The following ZNF708 variants were observed in gnomAD, a reference collection of about 807,000 sequenced individuals.
The protein encoded by ZNF708 is ZNF15, ZNF15L1.
ZNF708 carries 44 observed loss-of-function variants against 47.0 expected under a neutral mutation model. The observed-to-expected ratio is 0.94, with a 90% CI of 0.74 to 1.20. ZNF708 has a LOEUF of 1.20. Among genes scored for constraint, ZNF708 ranks in the 50% most tolerant of loss-of-function variants. The pLI is 0.00. For missense variants in ZNF708, 557 were observed against 656.0 expected (o/e 0.85, Z 1.65); for synonymous variants, 184 against 218.5 (o/e 0.84, Z 1.39).
chr19:21,308,706 C>T (rs887908219), intron 3 of ZNF708, among the ~76,000 whole-genome samples: 8 of 152,108 alleles, frequency 5.3e-5, no homozygotes, highest in African/African-American at 1.9e-4. Context: ...CCACTGCCCC[C>T]CCAGCCAAAA....
intron 1 of ZNF708, among the ~76,000 whole-genome samples, chr19:21,312,062 A>T (rs1972909113): frequency 6.6e-6 from 1 of 152,136 alleles, no homozygotes; most frequent in South Asian, 2.1e-4. Context: ...TGGGGGGCCA[A>T]GGGGGGTGGA....
At chr19:21,315,356 T>C (rs1972980895) in intron 1 of ZNF708, among the ~76,000 whole-genome samples, 1 of 152,188 alleles carries the variant, frequency 6.6e-6, no homozygotes, top group African/African-American at 2.4e-5. Context: ...TCTGGCCCTG[T>C]CTTGTAATCC....
At chr19:21,306,983 C>T (rs934661795) in intron 3 of ZNF708, 1 of 147,274 alleles carries the variant, frequency 6.8e-6, no homozygotes, top group Non-Finnish European at 1.5e-5. Flanking sequence ...CATAACATAA[C>T]ATAACATAAC....
At chr19:21,329,077 C>T in intron 1 of ZNF708, 133 bp downstream of exon 1, 1 of 1,385,188 alleles carries the variant, frequency 7.2e-7, no homozygotes, top group Non-Finnish European at 1.0e-6. Context: ...GGACTGAGGC[C>T]GAGCTAGGCA....
chr19:21,322,557 C>T (rs1198081702), intron 1 of ZNF708, among the ~76,000 whole-genome samples: 1 of 152,172 alleles, frequency 6.6e-6, no homozygotes, highest in Non-Finnish European at 1.5e-5. Context: ...CCCGCCTCGG[C>T]CTCCCAAAGT....
chr19:21,309,555 G>A (rs535261263), intron 2 of ZNF708, among the ~76,000 whole-genome samples: 9 of 152,052 alleles, frequency 5.9e-5, no homozygotes, highest in African/African-American at 1.7e-4. Context: ...TGAAAATACA[G>A]AAATTAGCTG....
intron 3 of ZNF708, among the ~76,000 whole-genome samples, chr19:21,301,431 G>A (rs1972657218): frequency 6.6e-6 from 1 of 151,322 alleles, no homozygotes; most frequent in Non-Finnish European, 1.5e-5. Context: ...TGGCCAAGAT[G>A]GTGAAACCCC....
Position 21,293,851 on chromosome 19 carries a change from G to C in ZNF708, c.1115C>G (p.Ala372Gly). 1 of 1,613,152 alleles carries C rather than the reference G, an allele frequency of 6.2e-7. No homozygotes were observed. Among genetic ancestry groups the C allele is most frequent in the Non-Finnish European group, 8.5e-7 (1 of 1,179,740 alleles). Reference protein sequence around the residue: ...KPYKCEECGKAFNRSSHLTNH... With the variant: ...KPYKCEECGKGFNRSSHLTNH... The stretch of plus-strand genomic sequence containing the variant: ...AGTAAGGTGTGAGGACCGGTTAAAA[G>C]CTTTGCCACATTCTTCACATTTGTA... Residue 372 changes from alanine (A) to glycine (G), a missense_variant, in exon 4 of 4, where the codon GCT becomes GGT. By Grantham distance (60) the Ala-to-Gly change is moderately conservative (BLOSUM62 0). Coordinates refer to ENST00000356929, the MANE Select transcript of ZNF708 (RefSeq NM_021269.3).
intron 3 of ZNF708, chr19:21,306,968 CA>C (rs1414428070): frequency 1.4e-5 from 2 of 143,264 alleles, no homozygotes; most frequent in African/African-American, 5.4e-5. Flanking sequence ...CATAACATAA[CA>C]TAACATAACA....
At chr19:21,327,229 T>C (rs1973275431) in intron 1 of ZNF708, among the ~76,000 whole-genome samples, 1 of 151,900 alleles carries the variant, frequency 6.6e-6, no homozygotes, top group African/African-American at 2.4e-5. Flanking sequence ...TAGTGCTAAT[T>C]AGAAAACAGA....
At chr19:21,296,971 A>G (rs1972537481) in intron 3 of ZNF708, among the ~76,000 whole-genome samples, 1 of 151,310 alleles carries the variant, frequency 6.6e-6, no homozygotes, top group Non-Finnish European at 1.5e-5. Context: ...CATCTCAACT[A>G]AATATATAAA....
At chr19:21,321,326 C>T (rs57299552) in intron 1 of ZNF708, among the ~76,000 whole-genome samples, 21,335 of 152,002 alleles carry the variant, frequency 0.14, 1,974 homozygotes, top group Non-Finnish European at 0.21. Flanking sequence ...TTGTGGCTCA[C>T]GCCTGTATGC....
At chr19:21,321,490 G>A (rs1376716108) in intron 1 of ZNF708, among the ~76,000 whole-genome samples, 1 of 151,946 alleles carries the variant, frequency 6.6e-6, no homozygotes, top group Non-Finnish European at 1.5e-5. Flanking sequence ...CAGGAGGCAG[G>A]AGAATCGCTT....
chr19:21,297,141 T>A (rs893557893), intron 3 of ZNF708, among the ~76,000 whole-genome samples: 1 of 146,618 alleles, frequency 6.8e-6, no homozygotes, highest in Non-Finnish European at 1.5e-5. Flanking sequence ...TCAAAAAAAA[T>A]GAATAAATAA....
chr19:21,294,080 T>C lies in ZNF708; in HGVS notation c.886A>G (p.Thr296Ala), dbSNP rs1205230441. The C allele has an allele frequency of 6.2e-7, 1 of 1,613,670 alleles. No homozygotes were observed. Among genetic ancestry groups the C allele is most frequent in the Non-Finnish European group, 8.5e-7 (1 of 1,179,878 alleles). The change falls in exon 4 of 4, where the codon ACT becomes GCT. Residue 296 changes from threonine (T) to alanine (A), a missense_variant. Coordinates refer to ENST00000356929, the MANE Select transcript of ZNF708 (RefSeq NM_021269.3). ...CCAGTATGAATTTTCTTGTGATTAG[T>C]AAGGTTTGAGGACTGTTTAAAAGCT... is the stretch of plus-strand genomic sequence containing the variant. ...GKAFKQSSNLTNHKKIHTGEK... is the reference protein window; with the variant it reads ...GKAFKQSSNLANHKKIHTGEK...
At chr19:21,308,538 C>T (rs1444353497) in intron 3 of ZNF708, among the ~76,000 whole-genome samples, 1 of 152,112 alleles carries the variant, frequency 6.6e-6, no homozygotes, top group African/African-American at 2.4e-5. Context: ...CTCGGCCTCC[C>T]ACAGTGCTGG....
intron 1 of ZNF708, among the ~76,000 whole-genome samples, chr19:21,321,609 G>A (rs1015276354): frequency 7.1e-6 from 1 of 141,248 alleles, no homozygotes; most frequent in South Asian, 2.6e-4. Flanking sequence ...GGAAGGGAAG[G>A]GAAGGGAGAG....
intron 1 of ZNF708, among the ~76,000 whole-genome samples, chr19:21,315,915 G>T (rs1972992042): frequency 6.6e-6 from 1 of 151,404 alleles, no homozygotes; most frequent in Non-Finnish European, 1.5e-5. Flanking sequence ...ATAAAGAAAA[G>T]GATTATTAGC....
chr19:21,295,377 A>G (rs899751176), intron 3 of ZNF708, among the ~76,000 whole-genome samples: 3 of 152,230 alleles, frequency 2.0e-5, no homozygotes, highest in African/African-American at 7.2e-5. Flanking sequence ...ATCTAAGAAA[A>G]TGTTTGCGAG....
Sources: gnomAD v4.1 joint callset for allele counts (sites outside exome capture counted in the v4.1 genomes callset) on GRCh38, gnomAD v4.1.1 for gene constraint, MANE v1.5 for transcripts, NCBI Gene and HGNC (gene_info 2026-07-23, HGNC 2026-07-21) for gene names.